Variants in SMARCAD1 observed in about 807,000 individuals in gnomAD.
SMARCAD1 encodes the protein SWI/SNF-related matrix-associated actin-dependent regulator of chromatin subfamily A containing DEAD/H box 1.
SMARCAD1 carries 25 observed loss-of-function variants against 127.1 expected under a neutral mutation model. The ratio of observed to expected loss-of-function variants is 0.20; its 90% CI spans 0.14 to 0.27. The LOEUF is 0.27. Ranked by LOEUF, SMARCAD1 falls within the 10% of genes least tolerant of loss-of-function variation. The pLI, the probability that SMARCAD1 is intolerant of heterozygous loss-of-function variation, is 1.00. For synonymous variants in SMARCAD1, 400 were observed against 396.9 expected, an observed-to-expected ratio of 1.01 and a Z score of -0.09; for missense variants, 807 against 1,206.0, an observed-to-expected ratio of 0.67 and a Z score of 4.90.
chr4:94,271,808 A>G (rs1182871277), intron 11 of SMARCAD1, among the ~76,000 whole-genome samples: 3 of 152,172 alleles, frequency 2.0e-5, no homozygotes, highest in African/African-American at 7.2e-5. Context: ...AGTTGACCTA[A>G]TCTCTCAAAA....
In SMARCAD1 at chr4:94,249,659, G is replaced by T. The variant is rs1304450461; in HGVS notation, c.711G>T (p.Glu237Asp). Residue 237 changes from glutamate (E) to aspartate (D), a missense_variant, in exon 7 of 24, where the codon GAG becomes GAT. Glu to Asp is a conservative substitution (Grantham distance 45). This residue lies in a region of SMARCAD1 where 257 missense variants were observed against 303.4 expected (regional missense o/e 0.85). Transcript: ENST00000354268. ...TTTTTTTTTCTCCCCATTAGGGAGA[G>T]GAATCAAATGAGTCTGCAGAATCTA... is the stretch of plus-strand genomic sequence containing the variant. ...SIKKTRLDHG[E>D]ESNESAESSS... 6.4e-7 allele frequency: 1 copy of T among 1,562,614 alleles called. No homozygotes were observed. The highest frequency in any genetic ancestry group is 1.7e-5 in the Admixed American group (1 of 59,892).
intron 9 of SMARCAD1, chr4:94,253,250 ACT>A: frequency 6.7e-7 from 1 of 1,485,996 alleles, no homozygotes; most frequent in Non-Finnish European, 9.0e-7. Context: ...GAATACTGTC[ACT>A]CATTCCTTTG....
Position 94,208,424 on chromosome 4 carries a change from C to G in SMARCAD1, c.30C>G (p.Arg10=). The change falls in exon 2 of 24, where the codon CGC becomes CGG. Residue 10 remains arginine, a synonymous_variant. Coordinates refer to ENST00000354268, the MANE Select transcript of SMARCAD1 (RefSeq NM_020159.5). ...ATCTTTTCAACCTGGACCGTTTTCGCTTTGAGAAAAGGAATAAGATTGAGG... is the reference window on the plus strand; with the variant it reads ...ATCTTTTCAACCTGGACCGTTTTCGGTTTGAGAAAAGGAATAAGATTGAGG... The part of the protein sequence containing the change: MNLFNLDRF[R]FEKRNKIEEA... 1 of 1,614,112 alleles carries G rather than the reference C, an allele frequency of 6.2e-7. No individual in the cohort carries two copies. Among genetic ancestry groups the G allele is most frequent in the Non-Finnish European group, 8.5e-7 (1 of 1,180,032 alleles).
chr4:94,224,739 C>T (rs954376522), intron 2 of SMARCAD1, among the ~76,000 whole-genome samples: 3 of 152,112 alleles, frequency 2.0e-5, no homozygotes, highest in African/African-American at 7.2e-5. Flanking sequence ...GACTTTTGGA[C>T]TTGGATTTCA....
intron 9 of SMARCAD1, among the ~76,000 whole-genome samples, chr4:94,255,221 G>A (rs1342816064): frequency 6.6e-6 from 1 of 151,994 alleles, no homozygotes; most frequent in Non-Finnish European, 1.5e-5. Flanking sequence ...CAAATAGTCT[G>A]CTCTTTCTTG....
chr4:94,246,323 G>A (rs1748416382), intron 6 of SMARCAD1, among the ~76,000 whole-genome samples: 1 of 152,034 alleles, frequency 6.6e-6, no homozygotes, highest in Non-Finnish European at 1.5e-5. Flanking sequence ...GTTTCACTGT[G>A]TTGGCCAGGC....
At chr4:94,223,689 T>C (rs1744526219) in intron 2 of SMARCAD1, among the ~76,000 whole-genome samples, 1 of 145,134 alleles carries the variant, frequency 6.9e-6, no homozygotes, top group African/African-American at 2.6e-5. Flanking sequence ...CTGCCTCACC[T>C]CCCCAGTAGC....
intron 9 of SMARCAD1, among the ~76,000 whole-genome samples, chr4:94,261,569 G>A (rs1246565910): frequency 1.3e-5 from 2 of 152,184 alleles, no homozygotes; most frequent in Admixed American, 6.5e-5. Flanking sequence ...TATTTACCAT[G>A]TGGTGTATTT....
chr4:94,286,273 C>A (rs1416790231), intron 23 of SMARCAD1, among the ~76,000 whole-genome samples: 6 of 152,142 alleles, frequency 3.9e-5, no homozygotes, highest in Admixed American at 3.9e-4. Context: ...CCTCTTTCTT[C>A]TCTTCTATGA....
In SMARCAD1 at chr4:94,273,739, G is replaced by A. The variant is rs186907418; in HGVS notation, c.1672+23G>A. On this transcript the variant is annotated intron_variant, in intron 12 of 23. Transcript: ENST00000354268. ...TAGGTTTGTAATACTGGAGACAACT[G>A]TATTTAACTTTATCATGTTTTATAT... 6.8e-5 allele frequency: 106 copies of A among 1,563,662 alleles called. No homozygotes were observed. In the African/African-American group the frequency reaches 1.3e-3, roughly 20 times the overall value.
At chr4:94,230,167 C>T (rs1745612286) in intron 3 of SMARCAD1, among the ~76,000 whole-genome samples, 1 of 151,800 alleles carries the variant, frequency 6.6e-6, no homozygotes, top group African/African-American at 2.4e-5. Context: ...GAACAAGATT[C>T]CAAAAATCAA....
At chr4:94,239,664 C>T (rs552516141) in intron 5 of SMARCAD1, among the ~76,000 whole-genome samples, 1 of 151,870 alleles carries the variant, frequency 6.6e-6, no homozygotes, top group Admixed American at 6.6e-5. Context: ...CCTCTGCCTC[C>T]CAGGCTCAAG....
chr4:94,227,450 A>G (rs1745200628), intron 3 of SMARCAD1, among the ~76,000 whole-genome samples: 1 of 152,188 alleles, frequency 6.6e-6, no homozygotes, highest in Non-Finnish European at 1.5e-5. Flanking sequence ...TCAAAAAATG[A>G]TGGAGACTTA....
At chr4:94,286,050 T>C (rs1754887681) in intron 23 of SMARCAD1, among the ~76,000 whole-genome samples, 1 of 152,212 alleles carries the variant, frequency 6.6e-6, no homozygotes, top group African/African-American at 2.4e-5. Context: ...TTCTAACAAG[T>C]TTCTAAATAT....
At chr4:94,255,862 C>T (rs974014663) in intron 9 of SMARCAD1, among the ~76,000 whole-genome samples, 4 of 151,968 alleles carry the variant, frequency 2.6e-5, no homozygotes, top group Non-Finnish European at 4.4e-5. Flanking sequence ...ATTTTACTTA[C>T]AGTTTTTCTG....
chr4:94,290,349 A>G lies in SMARCAD1; in HGVS notation c.*815A>G, dbSNP rs765368591. The G allele has an allele frequency of 2.2e-4, 98 of 454,278 alleles. 1 individual carries two copies. The highest frequency in any genetic ancestry group is 7.0e-4 in the South Asian group (45 of 64,462). The allele number at this position is 454,278 out of a possible 1,614,324, so 28.1% of individuals were successfully genotyped here. A position where few individuals can be genotyped will look rare whatever the true frequency, so the allele number is the denominator to read the frequency against. On this transcript the variant is annotated 3_prime_UTR_variant, in exon 24 of 24. Transcript: ENST00000354268. The stretch of plus-strand genomic sequence containing the variant: ...CTGTTGCCCAGTCACTTCTGCTCCA[A>G]TTCTCTTCCTCTCTAAATAGTAGTT...
intron 22 of SMARCAD1, among the ~76,000 whole-genome samples, chr4:94,283,621 C>G (rs896048490): frequency 6.6e-6 from 1 of 152,048 alleles, no homozygotes; most frequent in Non-Finnish European, 1.5e-5. Flanking sequence ...TTCAGGAGAT[C>G]GAGACCATCC....
intron 6 of SMARCAD1, among the ~76,000 whole-genome samples, chr4:94,249,078 G>A (rs549253746): frequency 1.2e-4 from 18 of 152,108 alleles, no homozygotes; most frequent in Non-Finnish European, 1.8e-4. Flanking sequence ...GGAAAAGTGA[G>A]ACTATGTATA....
rs2125976576 is a variant in SMARCAD1, at chr4:94,270,722, T to C, written c.1482-6T>C. ...GTGTAATATTTGGTAACTCTCTCTT[T>C]ACCAGTTTGTCACTCAAGCCCTATC... is the stretch of plus-strand genomic sequence containing the variant. On this transcript the variant is annotated splice_polypyrimidine_tract_variant and splice_region_variant and intron_variant, in intron 10 of 23. Transcript: ENST00000354268. 1.2e-6 allele frequency: 2 copies of C among 1,611,436 alleles called. No homozygotes were observed. The highest frequency in any genetic ancestry group is 1.7e-6 in the Non-Finnish European group (2 of 1,177,750).
Sources: allele counts gnomAD v4.1 joint callset (sites outside exome capture counted in the v4.1 genomes callset), GRCh38; gene constraint gnomAD v4.1.1; regional missense constraint gnomAD v4.1.1; transcripts MANE v1.5; gene names NCBI Gene and HGNC (gene_info 2026-07-23, HGNC 2026-07-21).